EML5: variants seen among roughly 807,000 people sequenced by gnomAD.
EML5 encodes echinoderm microtubule-associated protein-like 5.
A neutral mutation model predicts 250.0 loss-of-function variants in EML5; 120 were observed. That is an observed-to-expected ratio of 0.48 (90% CI 0.41 to 0.56). EML5 has a LOEUF of 0.56. EML5 is among the 20% of genes least tolerant of loss of function. The pLI is 0.00. For missense variants in EML5, 2,006 were observed against 2,437.6 expected (o/e 0.82, Z 3.73); for synonymous variants, 771 against 806.5 (o/e 0.96, Z 0.75).
Position 88,614,088 on chromosome 14 carries a change from GA to G in EML5, c.*1729del, listed in dbSNP as rs1278458394. 3 of 152,184 alleles carry G rather than the reference GA, an allele frequency of 2.0e-5. No individual in the cohort carries two copies. The highest frequency in any genetic ancestry group is 6.5e-5 in the Admixed American group (1 of 15,276). The allele number at this position is 152,184 out of a possible 1,614,324, so 9.4% of individuals were successfully genotyped here. Reference sequence around the variant, plus strand: ...CAGAGTTTCTACCTGCACTGTAATGGAAATATAATTTCTCTGTAGCCAAAAG... The same window carrying G: ...CAGAGTTTCTACCTGCACTGTAATGGAATATAATTTCTCTGTAGCCAAAAG... On this transcript the variant is annotated 3_prime_UTR_variant, in exon 44 of 44. Coordinates refer to ENST00000554922, the MANE Select transcript of EML5 (RefSeq NM_183387.3).
At chr14:88,631,389 T>C (rs2140473789) in intron 33 of EML5, among the ~76,000 whole-genome samples, 1 of 152,262 alleles carries the variant, frequency 6.6e-6, no homozygotes, top group Middle Eastern at 3.4e-3. Context: ...AAGTTTTGTA[T>C]ATTTTTGTAG....
In EML5 at chr14:88,695,348, GT is replaced by G; in HGVS notation, c.2438+12del. 1.2e-6 allele frequency: 2 copies of G among 1,600,048 alleles called. No homozygotes were observed. Among genetic ancestry groups the G allele is most frequent in the Non-Finnish European group, 1.7e-6 (2 of 1,174,176 alleles). On this transcript the variant is annotated intron_variant, in intron 16 of 43. Transcript: ENST00000554922. ...TAGTATTTTGCAAATGTGATATCAA[GT>G]TTTTTTCCTACCTTGCTATTGAAAG...
In EML5 at chr14:88,658,285, T is replaced by A. The variant is rs756461890; in HGVS notation, c.3779A>T (p.Asp1260Val). Residue 1260 changes from aspartate (D) to valine (V), a missense_variant, in exon 26 of 44, where the codon GAT (aspartate) becomes GTT (valine). By Grantham distance (152) the Asp-to-Val change is radical. This residue lies in a region of EML5 where 1,375 missense variants were observed against 1,590.3 expected (regional missense o/e 0.86). Coordinates refer to ENST00000554922, the MANE Select transcript of EML5 (RefSeq NM_183387.3). ...ATTTGTCCACACCATTAAAGACATA[T>A]CTGTACCGCCTAGGGTAACCAACAT... is the stretch of plus-strand genomic sequence containing the variant. ...DSMLVTLGGT[D>V]MSLMVWTNEM... 1 of 1,613,862 alleles carries A rather than the reference T, an allele frequency of 6.2e-7. No homozygotes were observed. Among genetic ancestry groups the A allele is most frequent in the Non-Finnish European group, 8.5e-7 (1 of 1,179,822 alleles).
intron 1 of EML5, among the ~76,000 whole-genome samples, chr14:88,787,028 G>A (rs2094558097): frequency 6.6e-6 from 1 of 152,164 alleles, no homozygotes; most frequent in South Asian, 2.1e-4. Context: ...AAGAGTAAAT[G>A]GGAGAAAAGG....
At chr14:88,634,219 T>C (rs2090598805) in intron 33 of EML5, among the ~76,000 whole-genome samples, 1 of 152,096 alleles carries the variant, frequency 6.6e-6, no homozygotes, top group African/African-American at 2.4e-5. Context: ...TCCTCCTGCT[T>C]CCACCATACA....
At chr14:88,686,620 T>G (rs866061797) in intron 19 of EML5, among the ~76,000 whole-genome samples, 22 of 152,026 alleles carry the variant, frequency 1.4e-4, no homozygotes, top group Admixed American at 3.3e-4. Context: ...GAGACCAGCC[T>G]GGACAACATA....
intron 28 of EML5, among the ~76,000 whole-genome samples, chr14:88,649,651 CCAAAA>C (rs2091527633): frequency 6.6e-6 from 1 of 152,056 alleles, no homozygotes; most frequent in African/African-American, 2.4e-5. Flanking sequence ...TTAAAGAAAA[CCAAAA>C]CTATTCATTT....
intron 36 of EML5, 191 bp from the exon 37 acceptor site, chr14:88,622,909 T>A: frequency 2.4e-6 from 1 of 425,514 alleles, no homozygotes; most frequent in Admixed American, 4.3e-5. Flanking sequence ...AAAATAAACA[T>A]CCAGTTTCAG....
chr14:88,769,485 T>C (rs760587567), intron 1 of EML5, among the ~76,000 whole-genome samples: 2 of 152,218 alleles, frequency 1.3e-5, no homozygotes, highest in African/African-American at 2.4e-5. Context: ...GTCTCAGGTA[T>C]TTCTTTATAG....
intron 14 of EML5, among the ~76,000 whole-genome samples, chr14:88,701,148 A>G (rs545282730): frequency 1.1e-4 from 16 of 152,272 alleles, no homozygotes; most frequent in Middle Eastern, 6.8e-3. Flanking sequence ...TTCTACATTT[A>G]AAAACAGGGT....
intron 1 of EML5, among the ~76,000 whole-genome samples, chr14:88,758,870 T>A (rs1382199978): frequency 6.6e-6 from 1 of 152,168 alleles, no homozygotes; most frequent in African/African-American, 2.4e-5. Context: ...GGATGAACCT[T>A]GAAAACATTA....
At chr14:88,670,564 T>C (rs752920623) in intron 21 of EML5, among the ~76,000 whole-genome samples, 1 of 152,002 alleles carries the variant, frequency 6.6e-6, no homozygotes, top group South Asian at 2.1e-4. Context: ...GGGCAAAGGC[T>C]GAGATGGATG....
intron 1 of EML5, among the ~76,000 whole-genome samples, chr14:88,767,348 C>T (rs2094333800): frequency 6.6e-6 from 1 of 152,138 alleles, no homozygotes; most frequent in Non-Finnish European, 1.5e-5. Flanking sequence ...AGAAGTGAGT[C>T]AACTATACCC....
At chr14:88,716,050 A>G (rs941872376) in intron 8 of EML5, among the ~76,000 whole-genome samples, 1 of 152,078 alleles carries the variant, frequency 6.6e-6, no homozygotes, top group African/African-American at 2.4e-5. Flanking sequence ...GGAGGGAGAA[A>G]AGGTAGGGGG....
intron 1 of EML5, among the ~76,000 whole-genome samples, chr14:88,772,846 C>T (rs1035916712): frequency 6.6e-6 from 1 of 152,148 alleles, no homozygotes; most frequent in Non-Finnish European, 1.5e-5. Context: ...ACTGGCCTTT[C>T]TATCCCTTAA....
At chr14:88,669,930 T>C (rs554100756) in intron 21 of EML5, among the ~76,000 whole-genome samples, 176 of 152,222 alleles carry the variant, frequency 1.2e-3, no homozygotes, top group African/African-American at 4.1e-3. Context: ...CCACTGGTGA[T>C]ACCTCGAGGT....
chr14:88,698,315 A>G (rs1164607362), intron 14 of EML5, among the ~76,000 whole-genome samples: 2 of 134,238 alleles, frequency 1.5e-5, no homozygotes, highest in African/African-American at 5.9e-5. Flanking sequence ...TGCCCTGCTG[A>G]AGTGAAATGG....
chr14:88,729,893 T>A (rs1397628973), intron 7 of EML5, among the ~76,000 whole-genome samples: 1 of 151,330 alleles, frequency 6.6e-6, no homozygotes, highest in African/African-American at 2.4e-5. Flanking sequence ...GTTTTTTTAA[T>A]GTATTGTCTA....
chr14:88,701,641 G>C (rs1242039687), intron 14 of EML5, among the ~76,000 whole-genome samples: 1 of 152,078 alleles, frequency 6.6e-6, no homozygotes, highest in African/African-American at 2.4e-5. Flanking sequence ...CTCCTTTCAG[G>C]AAAGCTATAT....
Sources: gnomAD v4.1 joint callset for allele counts (sites outside exome capture counted in the v4.1 genomes callset) on GRCh38, gnomAD v4.1.1 for gene constraint, gnomAD v4.1.1 regional missense constraint, MANE v1.5 for transcripts, NCBI Gene and HGNC (gene_info 2026-07-23, HGNC 2026-07-21) for gene names.